The following ADAM22 variants were observed in gnomAD, a reference collection of about 807,000 sequenced individuals.
ADAM22 encodes the protein disintegrin and metalloproteinase domain-containing protein 22.
ADAM22 carries 65 observed loss-of-function variants against 144.6 expected under a neutral mutation model. The ratio of observed to expected loss-of-function variants is 0.45; its 90% CI spans 0.37 to 0.55. The LOEUF (loss-of-function observed/expected upper bound fraction) is 0.55, where lower values mean the gene tolerates loss of function less well. Among genes scored for constraint, ADAM22 ranks in the 20% least tolerant of loss-of-function variants. ADAM22 has a pLI of 0.00. For synonymous variants in ADAM22, 391 were observed against 412.6 expected (o/e 0.95, Z 0.63); for missense variants, 974 against 1,184.9 (o/e 0.82, Z 2.61).
At chr7:88,194,828 T>C (rs193110687) in intron 31 of ADAM22, among the ~76,000 whole-genome samples, 1 of 152,252 alleles carries the variant, frequency 6.6e-6, no homozygotes, top group Non-Finnish European at 1.5e-5. Context: ...ATTTAACTCC[T>C]CTCCACCACC....
intron 2 of ADAM22, among the ~76,000 whole-genome samples, chr7:87,945,387 T>C (rs866775059): frequency 1.2e-4 from 19 of 152,350 alleles, no homozygotes; most frequent in African/African-American, 4.6e-4. Context: ...TAGTTAGGAA[T>C]GCTTTCATGT....
At chr7:88,135,851 A>G in intron 13 of ADAM22, 129 bp from the exon 14 acceptor site, 2 of 625,528 alleles carry the variant, frequency 3.2e-6, no homozygotes, top group Non-Finnish European at 2.5e-6. Context: ...AAGATGAATT[A>G]GAAAGAAGTT....
At chr7:88,117,236 T>C (rs1311446188) in intron 7 of ADAM22, among the ~76,000 whole-genome samples, 1 of 152,216 alleles carries the variant, frequency 6.6e-6, no homozygotes, top group African/African-American at 2.4e-5. Context: ...ACTTTTATTA[T>C]CATTATGTGT....
At chr7:88,080,066 A>C (rs539600719) in intron 4 of ADAM22, among the ~76,000 whole-genome samples, 3 of 152,162 alleles carry the variant, frequency 2.0e-5, no homozygotes, top group Non-Finnish European at 4.4e-5. Context: ...ACCACAGCAC[A>C]CCTATTCCAA....
chr7:88,075,485 A>T lies in ADAM22; in HGVS notation c.324-141A>T, dbSNP rs1014660967. ...GTGTCTGTGTGTGTGTGTGAGTGTG[A>T]GAGAGAGAGAGAGACCTATAAAGTG... On this transcript the variant is annotated intron_variant, in intron 3 of 31. Coordinates refer to ENST00000413139, the MANE Select transcript of ADAM22 (RefSeq NM_001324418.2). The T allele has an allele frequency of 1.6e-4, 64 of 412,318 alleles. 1 individual carries two copies. The highest frequency in any genetic ancestry group is 2.5e-4 in the African/African-American group (4 of 16,030). 25.5% of individuals were successfully genotyped at this position (412,318 alleles called of 1,614,324 possible).
intron 3 of ADAM22, among the ~76,000 whole-genome samples, chr7:88,060,243 T>A (rs554464579): frequency 6.6e-6 from 1 of 152,288 alleles, no homozygotes; most frequent in South Asian, 2.1e-4. Context: ...TGTGGCAATT[T>A]CTTAAAATAA....
intron 2 of ADAM22, among the ~76,000 whole-genome samples, chr7:87,959,410 AT>A (rs1438970055): frequency 6.6e-6 from 1 of 152,126 alleles, no homozygotes; most frequent in Non-Finnish European, 1.5e-5. Flanking sequence ...ATTTCTTGGT[AT>A]AAAACTGATA....
chr7:87,998,397 A>G (rs1317360224), intron 3 of ADAM22, among the ~76,000 whole-genome samples: 1 of 152,046 alleles, frequency 6.6e-6, no homozygotes, highest in Admixed American at 6.6e-5. Context: ...CGATTTATCT[A>G]TTTATTTTTT....
At chr7:87,985,255 G>C (rs971540529) in intron 3 of ADAM22, among the ~76,000 whole-genome samples, 4 of 151,438 alleles carry the variant, frequency 2.6e-5, no homozygotes, top group African/African-American at 7.3e-5. Flanking sequence ...AGAGCTTGCA[G>C]TGAGCCGAGA....
chr7:88,121,993 C>G (rs145148269), intron 7 of ADAM22, among the ~76,000 whole-genome samples: 1 of 152,278 alleles, frequency 6.6e-6, no homozygotes, highest in African/African-American at 2.4e-5. Context: ...TATTATCTCA[C>G]AGTTTCTGTG....
intron 4 of ADAM22, among the ~76,000 whole-genome samples, chr7:88,079,795 A>G (rs187731407): frequency 1.3e-5 from 2 of 152,344 alleles, no homozygotes; most frequent in Admixed American, 6.5e-5. Context: ...AAGAAGAACT[A>G]AGTATCCTAA....
intron 3 of ADAM22, among the ~76,000 whole-genome samples, chr7:88,045,371 C>A (rs1171249899): frequency 3.9e-5 from 6 of 152,118 alleles, no homozygotes; most frequent in Middle Eastern, 3.4e-3. Context: ...CTATGTCTTG[C>A]AGTTAGGTTA....
At position 87,982,683 on chromosome 7, in the gene ADAM22, AT is replaced by A. The variant is rs1257166413; in HGVS notation, c.323+4272del. On this transcript the variant is annotated intron_variant, in intron 3 of 31. Transcript: ENST00000413139. ...ATTCAGTTATTACATATATATATAT[AT>A]ATATATATATATATAATTTTTTTTT... Among the ~76,000 whole-genome samples the A allele has an allele frequency of 6.9e-3, 460 of 66,792 alleles. 33 individuals carry two copies. The highest frequency in any genetic ancestry group is 0.034 in the African/African-American group (431 of 12,804). 43.8% of individuals were successfully genotyped at this position (66,792 alleles called of 152,430 possible). A position where few individuals can be genotyped will look rare whatever the true frequency, so the allele number is the denominator to read the frequency against.
chr7:87,944,189 C>G (rs1280536397), intron 2 of ADAM22, among the ~76,000 whole-genome samples: 1 of 151,142 alleles, frequency 6.6e-6, no homozygotes, highest in African/African-American at 2.4e-5. Flanking sequence ...GGAGGAATTG[C>G]CTTCATTTCC....
intron 3 of ADAM22, among the ~76,000 whole-genome samples, chr7:88,041,734 C>T (rs925263795): frequency 2.6e-5 from 4 of 151,984 alleles, no homozygotes; most frequent in African/African-American, 9.7e-5. Context: ...CTGCCTTCCT[C>T]TGTCTTCCCA....
intron 4 of ADAM22, among the ~76,000 whole-genome samples, chr7:88,100,602 A>G (rs1822646933): frequency 1.3e-5 from 2 of 152,206 alleles, no homozygotes; most frequent in Non-Finnish European, 2.9e-5. Context: ...GATCATCTTT[A>G]ACATAAAATT....
intron 3 of ADAM22, among the ~76,000 whole-genome samples, chr7:88,028,070 C>G (rs1799432131): frequency 6.6e-6 from 1 of 152,196 alleles, no homozygotes; most frequent in African/African-American, 2.4e-5. Context: ...CAGGCATGAG[C>G]CACTGTGTCC....
chr7:87,944,303 A>G (rs994552408), intron 2 of ADAM22, among the ~76,000 whole-genome samples: 1 of 151,850 alleles, frequency 6.6e-6, no homozygotes, highest in Non-Finnish European at 1.5e-5. Flanking sequence ...GGTACACACA[A>G]TTTGGTCATT....
At chr7:88,035,762 T>C (rs897000331) in intron 3 of ADAM22, among the ~76,000 whole-genome samples, 1 of 152,170 alleles carries the variant, frequency 6.6e-6, no homozygotes, top group East Asian at 1.9e-4. Context: ...CAGACTTGAG[T>C]ATCCATGGAT....
Sources: allele counts gnomAD v4.1 joint callset (sites outside exome capture counted in the v4.1 genomes callset), GRCh38; gene constraint gnomAD v4.1.1; transcripts MANE v1.5; gene names NCBI Gene and HGNC (gene_info 2026-07-23, HGNC 2026-07-21).